The following SPIDR variants were observed in gnomAD, a reference collection of about 807,000 sequenced individuals.
SPIDR encodes the protein scaffold protein involved in DNA repair, also known as DNA repair-scaffolding protein.
SPIDR carries 93 observed loss-of-function variants against 104.6 expected under a neutral mutation model. The observed-to-expected ratio is 0.89, with a 90% CI of 0.75 to 1.06. SPIDR has a LOEUF of 1.06. Ranked by LOEUF, SPIDR falls within the 50% of genes least tolerant of loss-of-function variation. SPIDR has a pLI of 0.00. For missense variants in SPIDR, 1,154 were observed against 1,111.2 expected, an observed-to-expected ratio of 1.04 and a Z score of -0.55; for synonymous variants, 431 against 416.9, an observed-to-expected ratio of 1.03 and a Z score of -0.41.
intron 5 of SPIDR, among the ~76,000 whole-genome samples, chr8:47,336,035 A>G (rs542654448): frequency 1.4e-4 from 22 of 151,974 alleles, no homozygotes; most frequent in African/African-American, 5.3e-4. Context: ...TGTTGTTTCA[A>G]ATATTTCTAA....
At chr8:47,443,257 T>A (rs895596575) in intron 8 of SPIDR, among the ~76,000 whole-genome samples, 2 of 152,112 alleles carry the variant, frequency 1.3e-5, no homozygotes, top group Non-Finnish European at 1.5e-5. Flanking sequence ...TTTGCCTATA[T>A]TCAGCATATA....
At chr8:47,447,431 G>T (rs182981448) in intron 8 of SPIDR, among the ~76,000 whole-genome samples, 12 of 152,118 alleles carry the variant, frequency 7.9e-5, no homozygotes, top group African/African-American at 2.9e-4. Context: ...CCAGGCTGGT[G>T]TCGAACTCCT....
chr8:47,463,899 A>G (rs1376265681), intron 8 of SPIDR, among the ~76,000 whole-genome samples: 1 of 152,194 alleles, frequency 6.6e-6, no homozygotes, highest in African/African-American at 2.4e-5. Flanking sequence ...CCCATAGCTA[A>G]CATACCAAAT....
chr8:47,682,795 T>C (rs1027539598), intron 11 of SPIDR, among the ~76,000 whole-genome samples: 1 of 152,162 alleles, frequency 6.6e-6, no homozygotes, highest in Admixed American at 6.5e-5. Context: ...AAGGGTATTT[T>C]GGGGAAATAA....
intron 1 of SPIDR, among the ~76,000 whole-genome samples, chr8:47,271,430 A>T (rs1389336479): frequency 6.6e-6 from 1 of 151,632 alleles, no homozygotes; most frequent in Non-Finnish European, 1.5e-5. Flanking sequence ...CTCAGCTTGG[A>T]TAATCTCATT....
At chr8:47,427,597 C>A (rs2066621610) in intron 7 of SPIDR, among the ~76,000 whole-genome samples, 1 of 152,194 alleles carries the variant, frequency 6.6e-6, no homozygotes, top group Non-Finnish European at 1.5e-5. Flanking sequence ...TCCAATACTT[C>A]TGCACCCTCC....
intron 8 of SPIDR, among the ~76,000 whole-genome samples, chr8:47,571,230 A>G (rs2058485692): frequency 6.6e-6 from 1 of 152,232 alleles, no homozygotes; most frequent in Non-Finnish European, 1.5e-5. Context: ...CCTAACGGAC[A>G]GCATGGTATC....
chr8:47,291,622 A>T (rs2039920519), intron 4 of SPIDR, among the ~76,000 whole-genome samples: 1 of 152,226 alleles, frequency 6.6e-6, no homozygotes, highest in Non-Finnish European at 1.5e-5. Context: ...AACAACTCTA[A>T]GAAACTCTAA....
intron 8 of SPIDR, among the ~76,000 whole-genome samples, chr8:47,556,385 C>T (rs2091328210): frequency 6.6e-6 from 1 of 152,202 alleles, no homozygotes; most frequent in Admixed American, 6.5e-5. Flanking sequence ...TAATCTGGGG[C>T]TCTACCTGCA....
intron 10 of SPIDR, among the ~76,000 whole-genome samples, chr8:47,618,717 A>G (rs2064704021): frequency 6.6e-6 from 1 of 152,158 alleles, no homozygotes. Flanking sequence ...CCAACTTTTA[A>G]AGTAATCGTT....
intron 5 of SPIDR, among the ~76,000 whole-genome samples, chr8:47,309,763 G>T (rs1232721834): frequency 6.6e-5 from 10 of 152,196 alleles, no homozygotes; most frequent in African/African-American, 2.4e-4. Context: ...AGTTGGCCAG[G>T]CACAGTGGCT....
intron 5 of SPIDR, among the ~76,000 whole-genome samples, chr8:47,372,260 T>C (rs376881897): frequency 3.0e-4 from 45 of 152,326 alleles, no homozygotes; most frequent in African/African-American, 1.1e-3. Context: ...ATTGTCAGGC[T>C]CATAGTAAAC....
chr8:47,422,048 C>T (rs577835700), intron 7 of SPIDR, among the ~76,000 whole-genome samples: 6 of 152,324 alleles, frequency 3.9e-5, no homozygotes, highest in African/African-American at 9.6e-5. Flanking sequence ...TTGGGCTACT[C>T]GGAGGTCAGG....
chr8:47,263,886 T>A (rs1554544691), intron 1 of SPIDR, among the ~76,000 whole-genome samples: 1 of 152,222 alleles, frequency 6.6e-6, no homozygotes, highest in Non-Finnish European at 1.5e-5. Context: ...TTAGGTTTAT[T>A]TGTGTCTACA....
chr8:47,548,904 T>G (rs1434340518), intron 8 of SPIDR, among the ~76,000 whole-genome samples: 2 of 152,204 alleles, frequency 1.3e-5, no homozygotes, highest in Non-Finnish European at 2.9e-5. Context: ...TATCTCCTAA[T>G]GCTATCCCTC....
At chr8:47,398,475 G>C (rs1460171431) in intron 6 of SPIDR, among the ~76,000 whole-genome samples, 1 of 152,270 alleles carries the variant, frequency 6.6e-6, no homozygotes, top group South Asian at 2.1e-4. Flanking sequence ...GTCCAGAGGT[G>C]GGGGAGGACA....
intron 11 of SPIDR, among the ~76,000 whole-genome samples, chr8:47,693,384 G>A (rs1238910075): frequency 2.0e-5 from 3 of 152,212 alleles, no homozygotes; most frequent in East Asian, 3.8e-4. Context: ...AAGAAATCAG[G>A]GCTCATGAAA....
intron 8 of SPIDR, among the ~76,000 whole-genome samples, chr8:47,543,087 A>G (rs1208311083): frequency 6.6e-6 from 1 of 152,214 alleles, no homozygotes; most frequent in Non-Finnish European, 1.5e-5. Context: ...CTATTCACCC[A>G]TGGAAGGACG....
intron 8 of SPIDR, among the ~76,000 whole-genome samples, chr8:47,589,735 C>A (rs1038202990): frequency 1.3e-5 from 2 of 151,982 alleles, no homozygotes; most frequent in Non-Finnish European, 2.9e-5. Flanking sequence ...TGACAGCCTC[C>A]GTCTTATTCT....
Sources: gnomAD v4.1 joint callset for allele counts (sites outside exome capture counted in the v4.1 genomes callset) on GRCh38, gnomAD v4.1.1 for gene constraint, MANE v1.5 for transcripts, NCBI Gene and HGNC (gene_info 2026-07-23, HGNC 2026-07-21) for gene names.